CXXC1: variants seen among roughly 807,000 people sequenced by gnomAD.
CXXC1 encodes CXXC finger protein 1.
In CXXC1, 21 loss-of-function variants were observed where a neutral mutation model predicts 83.6. The ratio of observed to expected loss-of-function variants is 0.25; its 90% confidence interval spans 0.18 to 0.36. The LOEUF (loss-of-function observed/expected upper bound fraction) is 0.36. Ranked by LOEUF, CXXC1 falls within the 10% of genes least tolerant of loss-of-function variation. CXXC1 has a pLI of 1.00. For synonymous variants in CXXC1, 371 were observed against 337.5 expected, an observed-to-expected ratio of 1.10 and a Z score of -1.09; for missense variants, 688 against 919.5, an observed-to-expected ratio of 0.75 and a Z score of 3.26.
intron 13 of CXXC1, 70 bp downstream of exon 13, chr18:50,283,195 G>T (rs2040609933): frequency 7.3e-7 from 1 of 1,375,048 alleles, no homozygotes; most frequent in East Asian, 2.3e-5. Flanking sequence ...GGTGAGGAAG[G>T]AAGGGATGAA....
chr18:50,287,063 C>T, intron 1 of CXXC1: 1 of 585,002 alleles, frequency 1.7e-6, no homozygotes, highest in Non-Finnish European at 3.1e-6. Flanking sequence ...TACTTCCCAT[C>T]ACGCACCCAC....
chr18:50,286,748 G>A lies in CXXC1; in HGVS notation c.114C>T (p.Cys38=), dbSNP rs570978380. 1.2e-6 allele frequency: 2 copies of A among 1,612,828 alleles called. No homozygotes were observed. The highest frequency in any genetic ancestry group is 1.3e-5 in the African/African-American group (1 of 75,038). Residue 38 remains cysteine, a synonymous_variant, in exon 2 of 15, where the codon TGC becomes TGT. Transcript: ENST00000285106. Reference sequence around the variant, plus strand: ...ATCTCTCCCGCGCTCACATCATGAAGCAGTTGATGTCCGGTTTGCGGCAGA... The same window carrying A: ...ATCTCTCCCGCGCTCACATCATGAAACAGTTGATGTCCGGTTTGCGGCAGA... ...YCICRKPDIN[C]FMIGCDNCNE... is the part of the protein sequence containing the mutation.
intron 13 of CXXC1, 66 bp from the exon 14 acceptor site, chr18:50,283,072 G>A: frequency 4.5e-6 from 7 of 1,552,218 alleles, no homozygotes; most frequent in African/African-American, 4.1e-5. Context: ...GGGGGCTCAA[G>A]GAGGGAGAAG....
intron 1 of CXXC1, 51 bp from the exon 2 acceptor site, chr18:50,286,909 T>G (rs2040724179): frequency 7.9e-7 from 1 of 1,269,414 alleles, no homozygotes; most frequent in Non-Finnish European, 1.1e-6. Flanking sequence ...CCGTGGCGGC[T>G]CATCCCCCCA....
rs763874891 is a variant in CXXC1, at chr18:50,284,100, G to C, written c.1207C>G (p.Arg403Gly). 2 of 1,603,048 alleles carry C rather than the reference G, an allele frequency of 1.2e-6. No individual in the cohort carries two copies. The highest frequency in any genetic ancestry group is 1.7e-6 in the Non-Finnish European group (2 of 1,176,626). The change falls in exon 10 of 15, where the codon CGC becomes GGC. Residue 403 changes from arginine to glycine, a missense_variant and splice_region_variant. By Grantham distance (125) the Arg-to-Gly change is moderately radical. Around this residue, in one of 9 missense-constraint regions of CXXC1, gnomAD observed 100 missense variants for 142.5 expected, o/e 0.70. Coordinates refer to ENST00000285106, the MANE Select transcript of CXXC1 (RefSeq NM_014593.4). ...CGCTGGGGGAGGATCTCGTAGATGC[G>C]GCTGCAGGGAAGGTAGCAAGCAACA... The part of the protein sequence containing the change: ...DDCGMKLAAN[R>G]IYEILPQRIQ...
chr18:50,282,998 A>C lies in CXXC1; in HGVS notation c.1680T>G (p.Ala560=), dbSNP rs752867344. ...PEHSRDPKVP[A]DEVCGCPLVR... ...CAAGGGGGCACCCGCATACCTCGTC[A>C]GCTGGCACCTGCAAGGAGGCCAGGT... Residue 560 remains alanine, a synonymous_variant, in exon 14 of 15, where the codon GCT becomes GCG. Transcript: ENST00000285106. This position sits in a 1 kb window ranked among gnomAD's most constrained non-coding sequence, Gnocchi z 5.8. 6.2e-7 allele frequency: 1 copy of C among 1,614,046 alleles called. No homozygotes were observed. Among genetic ancestry groups the C allele is most frequent in the Non-Finnish European group, 8.5e-7 (1 of 1,180,034 alleles).
intron 8 of CXXC1, 72 bp downstream of exon 8, chr18:50,284,660 C>G (rs1167462373): frequency 1.9e-6 from 3 of 1,609,276 alleles, no homozygotes; most frequent in Non-Finnish European, 2.5e-6. Flanking sequence ...TTGCCCCATT[C>G]AGCCTCTGAC....
Position 50,287,691 on chromosome 18 carries a change from C to T in CXXC1, c.-102G>A. On this transcript the variant is annotated 5_prime_UTR_variant, in exon 1 of 15. Coordinates refer to ENST00000285106, the MANE Select transcript of CXXC1 (RefSeq NM_014593.4). ...CAGGCGGTTGCAAAGGCGCCCACAA[C>T]TACTTCCGCTTCTAGTCACGCCTCC... 1.4e-6 allele frequency: 2 copies of T among 1,437,324 alleles called. No homozygotes were observed. Among genetic ancestry groups the T allele is most frequent in the South Asian group, 2.3e-5 (2 of 86,776 alleles). 89.0% of individuals were successfully genotyped at this position (1,437,324 alleles called of 1,614,324 possible).
Position 50,282,874 on chromosome 18 carries a change from C to T in CXXC1, c.1804G>A (p.Asp602Asn), listed in dbSNP as rs757893257. The T allele has an allele frequency of 1.2e-6, 2 of 1,614,180 alleles. No homozygotes were observed. Among genetic ancestry groups the T allele is most frequent in the Non-Finnish European group, 1.7e-6 (2 of 1,180,024 alleles). The stretch of plus-strand genomic sequence containing the variant: ...CCTACCACACGCACGCGCTCCAAGT[C>T]CACTTCCGCACGCCGCAGCTTCTCC... ...CWEKLRRAEV[D>N]LERVRVWYKL... Residue 602 changes from aspartate (D) to asparagine (N), a missense_variant, in exon 14 of 15, where the codon GAC becomes AAC. Around this residue, in one of 9 missense-constraint regions of CXXC1, gnomAD observed 114 missense variants for 173.3 expected, o/e 0.66. Transcript: ENST00000285106. The surrounding 1 kb of genome is among the most constrained non-coding windows in gnomAD (Gnocchi z 5.8).
At chr18:50,287,466 G>T (rs775099972) in intron 1 of CXXC1, 121 bp downstream of exon 1, 1 of 1,207,806 alleles carries the variant, frequency 8.3e-7, no homozygotes, top group Non-Finnish European at 1.2e-6. Context: ...ATAGACTCCC[G>T]CCGTTCAGTC....
At position 50,284,475 on chromosome 18, in the gene CXXC1, C is replaced by T. The variant is rs942034702; in HGVS notation, c.1108G>A (p.Ala370Thr). 5.6e-6 allele frequency: 9 copies of T among 1,609,526 alleles called. No individual in the cohort carries two copies. The highest frequency in any genetic ancestry group is 1.7e-5 in the Admixed American group (1 of 59,254). The change falls in exon 9 of 15, where the codon GCG (alanine) becomes ACG (threonine). Residue 370 changes from alanine (A) to threonine (T), a missense_variant. Transcript: ENST00000285106. The part of the protein sequence containing the change: ...HPERADAKDP[A>T]SLPQCLGPGC... ...GGCCCCAGGCACTGGGGCAGTGACG[C>T]AGGGTCCTTGGCATCAGCCCTCTCT...
intron 1 of CXXC1, chr18:50,287,108 GGTC>G: frequency 1.8e-6 from 1 of 548,028 alleles, no homozygotes; most frequent in South Asian, 2.3e-5. Context: ...CTCGCTAATG[GGTC>G]ATGGCGACCC....
chr18:50,283,913 G>A lies in CXXC1; in HGVS notation c.1394C>T (p.Ala465Val), dbSNP rs1400735604. 8.1e-6 allele frequency: 13 copies of A among 1,613,956 alleles called. No homozygotes were observed. The highest frequency in any genetic ancestry group is 9.3e-6 in the Non-Finnish European group (11 of 1,180,050). The stretch of plus-strand genomic sequence containing the variant: ...GCTCACCTCCTCATCCTCGCGCACA[G>A]CCTGCTGCTTGGCACGTAGAATGAT... ...EAIILRAKQQAVREDEESNEG... is the reference protein window; with the variant it reads ...EAIILRAKQQVVREDEESNEG... The change falls in exon 10 of 15, where the codon GCT becomes GTT. Residue 465 changes from alanine (A) to valine (V), a missense_variant. Physicochemically the swap from Ala to Val is moderately conservative, Grantham distance 64. Around this residue, in one of 9 missense-constraint regions of CXXC1, gnomAD observed 100 missense variants for 142.5 expected, o/e 0.70. Coordinates refer to ENST00000285106, the MANE Select transcript of CXXC1 (RefSeq NM_014593.4).
In CXXC1 at chr18:50,286,855, C is replaced by T. The variant is rs750564637; in HGVS notation, c.7G>A (p.Gly3Arg). The change falls in exon 2 of 15, where the codon GGA becomes AGA. Residue 3 changes from glycine to arginine, a missense_variant. This residue lies in a region of CXXC1 where 51 missense variants were observed against 48.0 expected (regional missense o/e 1.06). Coordinates refer to ENST00000285106, the MANE Select transcript of CXXC1 (RefSeq NM_014593.4). ME[G>R]DGSDPEPPDA... Reference sequence around the variant, plus strand: ...GGAGGCTCTGGGTCTGAACCATCTCCCTCCTGCAGGACACCCCCATTACGG... The same window carrying T: ...GGAGGCTCTGGGTCTGAACCATCTCTCTCCTGCAGGACACCCCCATTACGG... 6.8e-6 allele frequency: 11 copies of T among 1,609,812 alleles called. No individual in the cohort carries two copies. Among genetic ancestry groups the T allele is most frequent in the South Asian group, 1.1e-5 (1 of 91,004 alleles).
intron 9 of CXXC1, 83 bp from the exon 10 acceptor site, chr18:50,284,184 G>A: frequency 2.0e-6 from 3 of 1,498,668 alleles, no homozygotes; most frequent in East Asian, 2.3e-5. Context: ...GGCAAAAGGA[G>A]AAGTAAATAG....
chr18:50,285,685 C>T lies in CXXC1; in HGVS notation c.639+64G>A. ...CTGGTTTATCCATGCCTAGACTTAACTAACCATGCATGGACCCACCAGCTC... is the reference window on the plus strand; with the variant it reads ...CTGGTTTATCCATGCCTAGACTTAATTAACCATGCATGGACCCACCAGCTC... On this transcript the variant is annotated intron_variant, in intron 5 of 14. Coordinates refer to ENST00000285106, the MANE Select transcript of CXXC1 (RefSeq NM_014593.4). This position sits in a 1 kb window ranked among gnomAD's most constrained non-coding sequence, Gnocchi z 4.4. 6.4e-6 allele frequency: 10 copies of T among 1,566,666 alleles called. No homozygotes were observed. The highest frequency in any genetic ancestry group is 7.8e-6 in the Non-Finnish European group (9 of 1,154,252).
rs201787511 is a variant in CXXC1, at chr18:50,283,025, G to A, written c.1672-19C>T. On this transcript the variant is annotated intron_variant, in intron 13 of 14. Transcript: ENST00000285106. ...CTGGCACCTGCAAGGAGGCCAGGTT[G>A]GGGGGATGAATAGCGGTGATAAGGG... 1.9e-5 allele frequency: 30 copies of A among 1,612,668 alleles called. No homozygotes were observed. The highest frequency in any genetic ancestry group is 1.8e-4 in the Admixed American group (11 of 60,006).
At chr18:50,283,867 T>C (rs776093496) in intron 10 of CXXC1, 27 bp downstream of exon 10, 3 of 1,614,028 alleles carry the variant, frequency 1.9e-6, no homozygotes, top group East Asian at 4.5e-5. Flanking sequence ...GTACAGGCCC[T>C]GCTCTGCTGC....
intron 3 of CXXC1, 73 bp from the exon 4 acceptor site, chr18:50,286,330 C>A: frequency 7.2e-7 from 1 of 1,388,230 alleles, no homozygotes. Context: ...CTCTTTCTTC[C>A]TCTTCGCTCC....
Sources: allele counts gnomAD v4.1 joint callset, GRCh38; gene constraint gnomAD v4.1.1; regional missense constraint gnomAD v4.1.1; non-coding constraint Gnocchi (gnomAD v3.1); transcripts MANE v1.5; gene names NCBI Gene and HGNC (gene_info 2026-07-23, HGNC 2026-07-21).